Variants in SOX5 observed in about 807,000 individuals in gnomAD.
SOX5 encodes transcription factor SOX-5.
A neutral mutation model predicts 92.0 loss-of-function variants in SOX5; 9 were observed. The observed-to-expected ratio is 0.10, with a 90% confidence interval of 0.06 to 0.17. The LOEUF is 0.17. Ranked by LOEUF, SOX5 falls within the 10% of genes least tolerant of loss-of-function variation. The pLI is 1.00. For missense variants in SOX5, 642 were observed against 944.5 expected, an observed-to-expected ratio of 0.68 and a Z score of 4.20; for synonymous variants, 344 against 336.3, an observed-to-expected ratio of 1.02 and a Z score of -0.25.
At chr12:24,353,256 G>T (rs1954337523) in intron 2 of SOX5, among the ~76,000 whole-genome samples, 1 of 152,214 alleles carries the variant, frequency 6.6e-6, no homozygotes, top group South Asian at 2.1e-4. Context: ...AGATCTGAGA[G>T]GTGTGTACCC....
chr12:23,562,224 C>T (rs978582906), intron 11 of SOX5, among the ~76,000 whole-genome samples: 3 of 152,068 alleles, frequency 2.0e-5, no homozygotes, highest in South Asian at 2.1e-4. Flanking sequence ...CCTGGACACA[C>T]GATAGAATTG....
chr12:24,247,283 G>A (rs775221154), intron 3 of SOX5, among the ~76,000 whole-genome samples: 5 of 149,122 alleles, frequency 3.4e-5, no homozygotes, highest in Non-Finnish European at 6.0e-5. Context: ...TCTAGACTGA[G>A]ATACTTCTTG....
At chr12:23,726,536 G>C (rs1439657438) in intron 6 of SOX5, among the ~76,000 whole-genome samples, 1 of 152,038 alleles carries the variant, frequency 6.6e-6, no homozygotes, top group Non-Finnish European at 1.5e-5. Context: ...ACTGACTTCG[G>C]CCAACATTCC....
intron 8 of SOX5, among the ~76,000 whole-genome samples, chr12:23,640,503 T>G (rs564307243): frequency 1.6e-3 from 238 of 152,284 alleles, no homozygotes; most frequent in Middle Eastern, 3.4e-3. Context: ...TTTTTGTTCT[T>G]TTTACCTTGA....
At chr12:24,104,157 C>T (rs1256573933) in intron 4 of SOX5, among the ~76,000 whole-genome samples, 1 of 151,678 alleles carries the variant, frequency 6.6e-6, no homozygotes, top group Non-Finnish European at 1.5e-5. Context: ...AACATGCAAG[C>T]AAGAAAGTTT....
At chr12:23,886,851 C>A in intron 2 of SOX5, among the ~76,000 whole-genome samples, 1 of 151,994 alleles carries the variant, frequency 6.6e-6, no homozygotes, top group African/African-American at 2.4e-5. Context: ...TAAAGAACAC[C>A]AGTATCTGCT....
intron 3 of SOX5, among the ~76,000 whole-genome samples, chr12:24,260,103 T>G (rs1046535060): frequency 1.3e-5 from 2 of 151,956 alleles, no homozygotes; most frequent in African/African-American, 4.8e-5. Context: ...ATGGGAATGG[T>G]ATGAGAGGAG....
chr12:24,034,636 C>A (rs1040925068), intron 4 of SOX5, among the ~76,000 whole-genome samples: 6 of 150,096 alleles, frequency 4.0e-5, no homozygotes, highest in Non-Finnish European at 7.4e-5. Flanking sequence ...AGTATTTTAT[C>A]CAACTTGATT....
chr12:23,686,573 G>A (rs1220083573), intron 6 of SOX5, among the ~76,000 whole-genome samples: 1 of 152,052 alleles, frequency 6.6e-6, no homozygotes, highest in Non-Finnish European at 1.5e-5. Context: ...AAGAAAACTA[G>A]GAAATGGTTC....
At chr12:23,783,878 T>C (rs1409066065) in intron 3 of SOX5, among the ~76,000 whole-genome samples, 3 of 152,020 alleles carry the variant, frequency 2.0e-5, no homozygotes, top group African/African-American at 7.2e-5. Context: ...ATTGGACAAG[T>C]GTCTGGGAAT....
intron 6 of SOX5, among the ~76,000 whole-genome samples, chr12:23,692,899 T>C (rs538706468): frequency 6.6e-6 from 1 of 152,354 alleles, no homozygotes; most frequent in African/African-American, 2.4e-5. Flanking sequence ...AATTAAATAG[T>C]TTAGCATTAC....
intron 3 of SOX5, among the ~76,000 whole-genome samples, chr12:23,839,229 T>C (rs1267721058): frequency 6.6e-6 from 1 of 152,034 alleles, no homozygotes; most frequent in African/African-American, 2.4e-5. Context: ...TGTTGGGACT[T>C]ACTCATGGGG....
intron 1 of SOX5, among the ~76,000 whole-genome samples, chr12:23,905,719 C>T (rs574570260): frequency 4.6e-5 from 7 of 152,136 alleles, no homozygotes; most frequent in African/African-American, 1.2e-4. Flanking sequence ...ATTTGTGACT[C>T]CTATGTACAA....
chr12:23,550,079 G>A (rs938973419), intron 11 of SOX5, among the ~76,000 whole-genome samples: 1 of 151,966 alleles, frequency 6.6e-6, no homozygotes, highest in East Asian at 1.9e-4. Context: ...AACAGCATGT[G>A]TACTGTTTGC....
chr12:24,540,054 T>G (rs557516007), intron 1 of SOX5, among the ~76,000 whole-genome samples: 1 of 152,234 alleles, frequency 6.6e-6, no homozygotes, highest in South Asian at 2.1e-4. Flanking sequence ...AAAATTAATA[T>G]GCATTATGTA....
chr12:23,706,712 T>C (rs753355070), intron 6 of SOX5, among the ~76,000 whole-genome samples: 1 of 152,014 alleles, frequency 6.6e-6, no homozygotes, highest in Non-Finnish European at 1.5e-5. Context: ...TTTTAATGTA[T>C]CCTGCTTGTT....
intron 8 of SOX5, among the ~76,000 whole-genome samples, chr12:23,632,538 A>AGCATG: frequency 6.6e-6 from 1 of 152,166 alleles, no homozygotes; most frequent in South Asian, 2.1e-4. Context: ...CAAGCATATA[A>AGCATG]AGCCATGCTC....
intron 3 of SOX5, among the ~76,000 whole-genome samples, chr12:23,765,623 C>A (rs970899170): frequency 6.6e-6 from 1 of 151,944 alleles, no homozygotes; most frequent in Non-Finnish European, 1.5e-5. Flanking sequence ...TATGTATAAT[C>A]TTTTGAAATA....
At chr12:23,696,119 C>T (rs1567040990) in intron 6 of SOX5, among the ~76,000 whole-genome samples, 1 of 151,784 alleles carries the variant, frequency 6.6e-6, no homozygotes, top group Non-Finnish European at 1.5e-5. Flanking sequence ...AATTTATTTC[C>T]TTGACATACC....
Sources: gnomAD v4.1 joint callset for allele counts (sites outside exome capture counted in the v4.1 genomes callset) on GRCh38, gnomAD v4.1.1 for gene constraint, MANE v1.5 for transcripts, NCBI Gene and HGNC (gene_info 2026-07-23, HGNC 2026-07-21) for gene names.